RABGEF1: variants seen among roughly 807,000 people sequenced by gnomAD.
RABGEF1 encodes rab5 GDP/GTP exchange factor.
In RABGEF1, 26 loss-of-function variants were observed where a neutral mutation model predicts 57.3. That is an observed-to-expected ratio of 0.45 (90% CI 0.33 to 0.63). The LOEUF (loss-of-function observed/expected upper bound fraction) is 0.63. Ranked by LOEUF, RABGEF1 falls within the 20% of genes least tolerant of loss-of-function variation. RABGEF1 has a pLI of 0.02. For missense variants in RABGEF1, 464 were observed against 607.6 expected (o/e 0.76, Z 2.48); for synonymous variants, 185 against 210.7 (o/e 0.88, Z 1.06).
At chr7:66,692,409 C>T (rs116576876) in intron 1 of RABGEF1, among the ~76,000 whole-genome samples, 242 of 152,260 alleles carry the variant, frequency 1.6e-3, no homozygotes, top group Middle Eastern at 3.4e-3. Flanking sequence ...AGAACCTCAG[C>T]GAGTGCATTG....
chr7:66,788,317 C>T (rs1402764521), intron 4 of RABGEF1, among the ~76,000 whole-genome samples: 7 of 151,844 alleles, frequency 4.6e-5, no homozygotes, highest in Non-Finnish European at 1.0e-4. Context: ...TGGTGGCGCT[C>T]GCCTGTAGTC....
At chr7:66,676,807 C>G in the RABGEF1 span, among the ~76,000 whole-genome samples, 1 of 152,344 alleles carries the variant, frequency 6.6e-6, no homozygotes, top group South Asian at 2.1e-4. Flanking sequence ...TGGTTTCAAA[C>G]TCCTGGCTTC....
intron 2 of RABGEF1, among the ~76,000 whole-genome samples, chr7:66,717,171 ATTATT>A (rs952391398): frequency 2.6e-5 from 4 of 152,052 alleles, no homozygotes; most frequent in African/African-American, 9.7e-5. Context: ...TTATCAATTG[ATTATT>A]TTATTATATC....
At chr7:66,699,051 C>T (rs1792800384) in intron 1 of RABGEF1, among the ~76,000 whole-genome samples, 1 of 152,156 alleles carries the variant, frequency 6.6e-6, no homozygotes, top group South Asian at 2.1e-4. Context: ...GACAGAGCCG[C>T]ATGGAGGAGC....
At chr7:66,695,479 A>G (rs1013445598) in intron 1 of RABGEF1, among the ~76,000 whole-genome samples, 5 of 152,316 alleles carry the variant, frequency 3.3e-5, no homozygotes, top group African/African-American at 9.6e-5. Context: ...CTTGGCCCAC[A>G]TGTCAGGGAG....
chr7:66,811,265 G>T lies in RABGEF1; in HGVS notation c.*1981G>T, dbSNP rs1253430869. 2.0e-5 allele frequency: 3 copies of T among 152,074 alleles called. No homozygotes were observed. The highest frequency in any genetic ancestry group is 2.1e-4 in the South Asian group (1 of 4,826). 9.4% of individuals were successfully genotyped at this position (152,074 alleles called of 1,614,324 possible). A position where few individuals can be genotyped will look rare whatever the true frequency, so the allele number is the denominator to read the frequency against. On this transcript the variant is annotated 3_prime_UTR_variant, in exon 9 of 9. Coordinates refer to ENST00000284957, the MANE Select transcript of RABGEF1 (RefSeq NM_014504.3). ...ATTTTTTTGGAGGTATCTCATATTG[G>T]TCGAATTCTTCTGGTATGGACTCTT...
intron 7 of RABGEF1, among the ~76,000 whole-genome samples, chr7:66,801,801 C>T (rs1482268063): frequency 1.3e-5 from 2 of 152,228 alleles, no homozygotes; most frequent in African/African-American, 4.8e-5. Flanking sequence ...CCATTTGGCT[C>T]CACCTGCATG....
the RABGEF1 span, chr7:66,665,157 T>C: frequency 6.6e-6 from 1 of 152,182 alleles, no homozygotes; most frequent in African/African-American, 2.4e-5. Flanking sequence ...TTCTTGTTTT[T>C]TTTTTTAACT....
At chr7:66,787,816 T>G (rs1562855827) in intron 4 of RABGEF1, among the ~76,000 whole-genome samples, 1 of 152,236 alleles carries the variant, frequency 6.6e-6, no homozygotes, top group African/African-American at 2.4e-5. Context: ...CCCAATCAAG[T>G]GTTAACCTTT....
chr7:66,797,963 A>T (rs1786388844), intron 6 of RABGEF1, among the ~76,000 whole-genome samples: 2 of 152,166 alleles, frequency 1.3e-5, no homozygotes, highest in South Asian at 4.1e-4. Context: ...CTAAAAATAC[A>T]AAAATTAGCC....
intron 1 of RABGEF1, among the ~76,000 whole-genome samples, chr7:66,770,041 A>G (rs1361302120): frequency 6.6e-6 from 1 of 152,058 alleles, no homozygotes; most frequent in Non-Finnish European, 1.5e-5. Context: ...GAGAATTCCT[A>G]TGTCTGTTGC....
At chr7:66,752,837 A>G (rs188904040) in intron 1 of RABGEF1, among the ~76,000 whole-genome samples, 2 of 152,110 alleles carry the variant, frequency 1.3e-5, no homozygotes. Context: ...TTGCTGTTTA[A>G]TTTTTTTACT....
Position 66,805,180 on chromosome 7 carries a change from G to A in RABGEF1, c.861G>A (p.Lys287=). 2 of 1,611,662 alleles carry A rather than the reference G, an allele frequency of 1.2e-6. No individual in the cohort carries two copies. Among genetic ancestry groups the A allele is most frequent in the Non-Finnish European group, 1.7e-6 (2 of 1,177,822 alleles). Residue 287 remains lysine, a synonymous_variant, in exon 8 of 9, where the codon AAG becomes AAA. Transcript: ENST00000284957. ...EMDSKRVPRD[K]LACITKCSKH... ...ATTCCAAGCGTGTGCCTCGAGACAA[G>A]CTGGCCTGCATCACCAAGTGCAGCA...
intron 4 of RABGEF1, among the ~76,000 whole-genome samples, chr7:66,790,749 C>T (rs1225856279): frequency 1.3e-5 from 2 of 152,180 alleles, no homozygotes; most frequent in Non-Finnish European, 2.9e-5. Flanking sequence ...AAGCTGATCT[C>T]ACAGTTGCAT....
At chr7:66,655,417 G>A in the RABGEF1 span, among the ~76,000 whole-genome samples, 1 of 152,174 alleles carries the variant, frequency 6.6e-6, no homozygotes, top group Non-Finnish European at 1.5e-5. Flanking sequence ...CCGTGGACTC[G>A]TTTTGCCTTT....
At chr7:66,789,830 G>A (rs537347332) in intron 4 of RABGEF1, among the ~76,000 whole-genome samples, 5 of 152,234 alleles carry the variant, frequency 3.3e-5, no homozygotes, top group Non-Finnish European at 5.9e-5. Flanking sequence ...GGCTCCATGC[G>A]TGAGGCTGGT....
chr7:66,691,682 T>G (rs188046739), intron 1 of RABGEF1, among the ~76,000 whole-genome samples: 51 of 152,256 alleles, frequency 3.3e-4, no homozygotes, highest in African/African-American at 1.1e-3. Context: ...ATTCAACATT[T>G]TATTACAAAA....
At chr7:66,727,369 T>C (rs1046057630) in intron 2 of RABGEF1, among the ~76,000 whole-genome samples, 6 of 152,206 alleles carry the variant, frequency 3.9e-5, no homozygotes, top group South Asian at 2.1e-4. Flanking sequence ...TCCAATACCT[T>C]CCACGGCCTC....
chr7:66,676,059 G>A, the RABGEF1 span, among the ~76,000 whole-genome samples: 2 of 152,118 alleles, frequency 1.3e-5, no homozygotes, highest in Admixed American at 1.3e-4. Flanking sequence ...GGTGGCTCAA[G>A]CCTCTAATCC....
Sources: allele counts gnomAD v4.1 joint callset (sites outside exome capture counted in the v4.1 genomes callset), GRCh38; gene constraint gnomAD v4.1.1; transcripts MANE v1.5; gene names NCBI Gene and HGNC (gene_info 2026-07-23, HGNC 2026-07-21).